The following DPYD variants were observed in gnomAD, a reference collection of about 807,000 sequenced individuals.
DPYD encodes dihydropyrimidine dehydrogenase.
A neutral mutation model predicts 116.2 loss-of-function variants in DPYD; 109 were observed. The observed-to-expected ratio is 0.94, with a 90% CI of 0.80 to 1.10. The LOEUF (loss-of-function observed/expected upper bound fraction) is 1.10, where lower values mean the gene tolerates loss of function less well. Among genes scored for constraint, DPYD ranks in the 50% least tolerant of loss-of-function variants. DPYD has a pLI of 0.00. For synonymous variants in DPYD, 440 were observed against 432.0 expected (o/e 1.02, Z -0.23); for missense variants, 1,302 against 1,254.5 (o/e 1.04, Z -0.57).
intron 16 of DPYD, among the ~76,000 whole-genome samples, chr1:97,350,651 T>C (rs1670091703): frequency 6.6e-6 from 1 of 152,074 alleles, no homozygotes; most frequent in Non-Finnish European, 1.5e-5. Context: ...CAGAACAGAG[T>C]TTCAATTATT....
rs144677958 is a variant in DPYD at position 97,375,549 on chromosome 1, T to G, written c.1975-1905A>C. Reference sequence around the variant, plus strand: ...AAAGGTCTTCATGTTATTTGAGAGTTGCTGAAAACCATGCTGCTCTTTCCT... The same window carrying G: ...AAAGGTCTTCATGTTATTTGAGAGTGGCTGAAAACCATGCTGCTCTTTCCT... On this transcript the variant is annotated intron_variant, in intron 15 of 22. Coordinates refer to ENST00000370192, the MANE Select transcript of DPYD (RefSeq NM_000110.4). Among the ~76,000 whole-genome samples the G allele has an allele frequency of 5.2e-3, 789 of 152,344 alleles. 10 individuals carry two copies. Among genetic ancestry groups the G allele is most frequent in the African/African-American group, 0.018 (742 of 41,578 alleles).
intron 19 of DPYD, among the ~76,000 whole-genome samples, chr1:97,228,319 T>A (rs551300850): frequency 1.5e-4 from 23 of 152,230 alleles, no homozygotes; most frequent in African/African-American, 5.0e-4. Context: ...ATGAAAAAAA[T>A]TAGCTTTCCA....
intron 14 of DPYD, among the ~76,000 whole-genome samples, chr1:97,400,563 C>T (rs904131663): frequency 4.6e-5 from 7 of 152,176 alleles, no homozygotes; most frequent in East Asian, 3.9e-4. Context: ...AATTCAGCTG[C>T]GAATCCGTCT....
chr1:97,237,995 A>G (rs1662065694), intron 18 of DPYD, among the ~76,000 whole-genome samples: 1 of 152,142 alleles, frequency 6.6e-6, no homozygotes, highest in Admixed American at 6.5e-5. Context: ...ATTGATATTA[A>G]TGGACATAAA....
At chr1:97,792,144 C>T (rs947539269) in intron 3 of DPYD, among the ~76,000 whole-genome samples, 2 of 152,088 alleles carry the variant, frequency 1.3e-5, no homozygotes, top group African/African-American at 4.8e-5. Context: ...TTTTGGTATG[C>T]CCATTAGACA....
intron 3 of DPYD, among the ~76,000 whole-genome samples, chr1:97,761,205 C>T (rs1352184886): frequency 1.3e-5 from 2 of 152,048 alleles, no homozygotes; most frequent in East Asian, 1.9e-4. Context: ...CAACAATCAC[C>T]GTAGATGCAC....
At chr1:97,274,715 G>A (rs780996715) in intron 18 of DPYD, among the ~76,000 whole-genome samples, 20 of 152,074 alleles carry the variant, frequency 1.3e-4, no homozygotes, top group South Asian at 2.1e-4. Context: ...GGCAAAACGC[G>A]CAATTACTTT....
At chr1:97,297,265 C>T (rs1666591953) in intron 18 of DPYD, among the ~76,000 whole-genome samples, 1 of 152,142 alleles carries the variant, frequency 6.6e-6, no homozygotes, top group Admixed American at 6.5e-5. Flanking sequence ...ATTCTGATAA[C>T]AACTCTTATC....
chr1:97,820,953 T>C (rs930008485), intron 3 of DPYD, among the ~76,000 whole-genome samples: 1 of 152,162 alleles, frequency 6.6e-6, no homozygotes, highest in Non-Finnish European at 1.5e-5. Context: ...ATATTCTATA[T>C]GTACCTCTTC....
At chr1:97,468,865 G>A (rs1427840734) in intron 13 of DPYD, among the ~76,000 whole-genome samples, 3 of 152,176 alleles carry the variant, frequency 2.0e-5, no homozygotes, top group East Asian at 1.9e-4. Flanking sequence ...CTTAAGGTTA[G>A]GAGGGCATAA....
chr1:97,805,470 C>T (rs1668035311), intron 3 of DPYD, among the ~76,000 whole-genome samples: 1 of 151,774 alleles, frequency 6.6e-6, no homozygotes, highest in African/African-American at 2.4e-5. Context: ...GTTTTGTCTT[C>T]CTTTAAACAT....
intron 16 of DPYD, among the ~76,000 whole-genome samples, chr1:97,314,107 G>A (rs1667672981): frequency 6.6e-6 from 1 of 151,904 alleles, no homozygotes; most frequent in South Asian, 2.1e-4. Context: ...CTCCATCAGT[G>A]AGCTAAAATA....
intron 15 of DPYD, among the ~76,000 whole-genome samples, chr1:97,382,103 C>G (rs1672005533): frequency 6.6e-6 from 1 of 152,092 alleles, no homozygotes; most frequent in African/African-American, 2.4e-5. Context: ...TCATAATATA[C>G]AGTTTGCTTA....
At chr1:97,254,072 C>T (rs1663282431) in intron 18 of DPYD, among the ~76,000 whole-genome samples, 1 of 152,088 alleles carries the variant, frequency 6.6e-6, no homozygotes, top group African/African-American at 2.4e-5. Flanking sequence ...CTAAATCTCA[C>T]AGAATCTCCA....
chr1:97,707,539 C>T (rs1052828659), intron 5 of DPYD, among the ~76,000 whole-genome samples: 1 of 147,798 alleles, frequency 6.8e-6, no homozygotes, highest in Non-Finnish European at 1.5e-5. Context: ...TGAGAATATG[C>T]GGTGTTTGGT....
At chr1:97,757,780 T>G (rs1187203409) in intron 3 of DPYD, among the ~76,000 whole-genome samples, 1 of 152,160 alleles carries the variant, frequency 6.6e-6, no homozygotes, top group African/African-American at 2.4e-5. Flanking sequence ...ACACACATCT[T>G]ACATACATCA....
chr1:97,783,260 T>C (rs757699665), intron 3 of DPYD, among the ~76,000 whole-genome samples: 1 of 152,250 alleles, frequency 6.6e-6, no homozygotes, highest in Non-Finnish European at 1.5e-5. Flanking sequence ...AATACTTTTA[T>C]ACAAGATGAC....
At chr1:97,588,451 T>C (rs1654293621) in intron 10 of DPYD, among the ~76,000 whole-genome samples, 1 of 152,196 alleles carries the variant, frequency 6.6e-6, no homozygotes, top group Admixed American at 6.5e-5. Flanking sequence ...CCTTATCCTT[T>C]AAATTTATCA....
chr1:97,871,406 T>A (rs1671650096), intron 2 of DPYD, among the ~76,000 whole-genome samples: 1 of 151,778 alleles, frequency 6.6e-6, no homozygotes, highest in East Asian at 1.9e-4. Flanking sequence ...ATTTCACTCT[T>A]GGGCCATTCT....
Sources: gnomAD v4.1 joint callset for allele counts (sites outside exome capture counted in the v4.1 genomes callset) on GRCh38, gnomAD v4.1.1 for gene constraint, MANE v1.5 for transcripts, NCBI Gene and HGNC (gene_info 2026-07-23, HGNC 2026-07-21) for gene names.